Variants in KIAA1549L observed in about 807,000 individuals in gnomAD.
KIAA1549L encodes UPF0606 protein KIAA1549L.
KIAA1549L carries 88 observed loss-of-function variants against 160.7 expected under a neutral mutation model. The observed-to-expected ratio is 0.55, with a 90% CI of 0.46 to 0.65. The LOEUF (loss-of-function observed/expected upper bound fraction) is 0.65, where lower values mean the gene tolerates loss of function less well. Among genes scored for constraint, KIAA1549L ranks in the 30% least tolerant of loss-of-function variants. The pLI is 0.00. For synonymous variants in KIAA1549L, 950 were observed against 976.7 expected, an observed-to-expected ratio of 0.97 and a Z score of 0.51; for missense variants, 2,258 against 2,437.5, an observed-to-expected ratio of 0.93 and a Z score of 1.55.
intron 1 of KIAA1549L, among the ~76,000 whole-genome samples, chr11:33,454,860 C>T (rs1472617767): frequency 1.3e-5 from 2 of 152,076 alleles, no homozygotes; most frequent in East Asian, 1.9e-4. Flanking sequence ...GAGGCCGAGG[C>T]GGGTGGATCA....
At chr11:33,510,692 C>A (rs1313706467) in intron 1 of KIAA1549L, among the ~76,000 whole-genome samples, 1 of 152,258 alleles carries the variant, frequency 6.6e-6, no homozygotes, top group Non-Finnish European at 1.5e-5. Context: ...TGAGATACTT[C>A]TGCAAATCAC....
At chr11:33,663,899 A>AC (rs1165436329) in intron 20 of KIAA1549L, among the ~76,000 whole-genome samples, 1 of 152,094 alleles carries the variant, frequency 6.6e-6, no homozygotes, top group Non-Finnish European at 1.5e-5. Flanking sequence ...TTTAACAGGG[A>AC]CCCCTAGGCA....
At chr11:33,634,056 GT>G (rs1490196197) in intron 16 of KIAA1549L, among the ~76,000 whole-genome samples, 5 of 152,028 alleles carry the variant, frequency 3.3e-5, no homozygotes, top group Non-Finnish European at 5.9e-5. Flanking sequence ...TGTTGTTGTT[GT>G]TTTGAGACAG....
At position 33,628,786 on chromosome 11, in the gene KIAA1549L, C is replaced by T. The variant is rs1286841335; in HGVS notation, c.5409+10124C>T. On this transcript the variant is annotated intron_variant, in intron 16 of 20. Transcript: ENST00000658780. ...AATTGGAGCATTTAGTCCATTTACA[C>T]TTAAAGTTAATATTGTTATGTGTGA... 4.6e-5 allele frequency among the ~76,000 whole-genome samples: 7 copies of T among 151,278 alleles called. 1 individual carries two copies. Among genetic ancestry groups the T allele is most frequent in the Middle Eastern group, 6.8e-3 (2 of 294 alleles).
At chr11:33,415,057 CT>C (rs1436330883) in intron 1 of KIAA1549L, among the ~76,000 whole-genome samples, 1 of 151,622 alleles carries the variant, frequency 6.6e-6, no homozygotes, top group Admixed American at 6.6e-5. Flanking sequence ...ATGACTCTTC[CT>C]TGGTGATTTC....
intron 1 of KIAA1549L, among the ~76,000 whole-genome samples, chr11:33,461,814 A>G (rs1461319764): frequency 6.6e-6 from 1 of 152,218 alleles, no homozygotes; most frequent in Non-Finnish European, 1.5e-5. Flanking sequence ...AGATGTAGAA[A>G]TTGAGGCATC....
At chr11:33,508,111 A>G (rs185621561) in intron 1 of KIAA1549L, among the ~76,000 whole-genome samples, 1 of 152,326 alleles carries the variant, frequency 6.6e-6, no homozygotes, top group Non-Finnish European at 1.5e-5. Flanking sequence ...TTCTCTGCAC[A>G]GGACTTAGCT....
chr11:33,465,180 C>T (rs1466415212), intron 1 of KIAA1549L, among the ~76,000 whole-genome samples: 1 of 151,664 alleles, frequency 6.6e-6, no homozygotes, highest in Non-Finnish European at 1.5e-5. Context: ...CTCAGCCTCC[C>T]AAGTAGCTGG....
At chr11:33,524,408 A>G (rs1853565527) in intron 1 of KIAA1549L, among the ~76,000 whole-genome samples, 1 of 152,054 alleles carries the variant, frequency 6.6e-6, no homozygotes, top group Admixed American at 6.6e-5. Context: ...AAAAGACCCA[A>G]AGAGGTCTTT....
rs112123479 is a variant in KIAA1549L at position 33,439,499 on chromosome 11, T to C, written c.238+62610T>C. Among the ~76,000 whole-genome samples the C allele has an allele frequency of 8.3e-3, 1,253 of 151,858 alleles. 20 individuals carry two copies. The highest frequency in any genetic ancestry group is 0.029 in the African/African-American group (1,193 of 41,390). ...CTCACTGCAAGCTCCGCCTTCCGGG[T>C]TCATGCCATTCTCCTGCCTCAGCCT... On this transcript the variant is annotated intron_variant, in intron 1 of 20. Transcript: ENST00000658780.
At chr11:33,396,606 C>T (rs1850378227) in intron 1 of KIAA1549L, among the ~76,000 whole-genome samples, 1 of 151,838 alleles carries the variant, frequency 6.6e-6, no homozygotes, top group Non-Finnish European at 1.5e-5. Flanking sequence ...CTCAGCTGAA[C>T]TTACTCTTCT....
At position 33,559,898 on chromosome 11, in the gene KIAA1549L, A is replaced by G. The variant is rs776686339; in HGVS notation, c.4005A>G (p.Leu1335=). The change falls in exon 7 of 21, where the codon CTA becomes CTG. Residue 1335 remains leucine, a synonymous_variant. Coordinates refer to ENST00000658780, the MANE Select transcript of KIAA1549L (RefSeq NM_012194.3). ...LVGFYLTYPP[L]TIAEPLEYPN... is the part of the protein sequence containing the mutation. ...GATTCTACCTCACCTATCCGCCGCT[A>G]ACCATTGCTGAACGTGAGTATGGCC... The G allele has an allele frequency of 5.6e-6, 9 of 1,613,884 alleles. No homozygotes were observed. The highest frequency in any genetic ancestry group is 7.6e-6 in the Non-Finnish European group (9 of 1,179,876).
At chr11:33,403,914 G>T (rs1212426162) in intron 1 of KIAA1549L, among the ~76,000 whole-genome samples, 1 of 152,170 alleles carries the variant, frequency 6.6e-6, no homozygotes, top group Non-Finnish European at 1.5e-5. Context: ...GAGACAGGAA[G>T]TTTCTAAGCA....
At chr11:33,566,544 G>C (rs1210919588) in intron 8 of KIAA1549L, among the ~76,000 whole-genome samples, 1 of 152,162 alleles carries the variant, frequency 6.6e-6, no homozygotes, top group East Asian at 1.9e-4. Context: ...GTCTCACAAG[G>C]GCCCTAGAAA....
chr11:33,559,631 A>T, intron 6 of KIAA1549L, 118 bp from the exon 7 acceptor site: 1 of 738,508 alleles, frequency 1.4e-6, no homozygotes, highest in Non-Finnish European at 2.3e-6. Flanking sequence ...TGTTTCCCTG[A>T]CCCCCTTTCA....
intron 1 of KIAA1549L, among the ~76,000 whole-genome samples, chr11:33,417,303 C>T (rs186336297): frequency 1.3e-5 from 2 of 152,218 alleles, no homozygotes; most frequent in East Asian, 1.9e-4. Context: ...ACACAGCATG[C>T]GCATGACACC....
At chr11:33,396,648 T>TC (rs1226820223) in intron 1 of KIAA1549L, among the ~76,000 whole-genome samples, 1 of 151,040 alleles carries the variant, frequency 6.6e-6, no homozygotes, top group Non-Finnish European at 1.5e-5. Flanking sequence ...TTAACTTTCT[T>TC]TTTTTTTCTC....
chr11:33,438,571 A>C (rs894529744), intron 1 of KIAA1549L, among the ~76,000 whole-genome samples: 7 of 152,248 alleles, frequency 4.6e-5, no homozygotes, highest in African/African-American at 1.4e-4. Flanking sequence ...TCCCCGGCCA[A>C]GGAGAGCAAG....
At position 33,542,353 on chromosome 11, in the gene KIAA1549L, G is replaced by A. The variant is rs1854047060; in HGVS notation, c.790G>A (p.Ala264Thr). 8 of 861,778 alleles carry A rather than the reference G, an allele frequency of 9.3e-6. No individual in the cohort carries two copies. In the East Asian group the frequency reaches 2.1e-4, roughly 23 times the overall value. 53.4% of individuals were successfully genotyped at this position (861,778 alleles called of 1,614,324 possible). A position where few individuals can be genotyped will look rare whatever the true frequency, so the allele number is the denominator to read the frequency against. ...ACCTCATTCCATCATCTCTGAGCCAGCAGAGCAATCCCCCAAAGTGCTGTT... is the reference window on the plus strand; with the variant it reads ...ACCTCATTCCATCATCTCTGAGCCAACAGAGCAATCCCCCAAAGTGCTGTT... ...DSPHSIISEP[A>T]EQSPKVLLVP... Residue 264 changes from alanine (A) to threonine (T), a missense_variant, in exon 2 of 21, where the codon GCA becomes ACA. Physicochemically the swap from Ala to Thr is moderately conservative, Grantham distance 58. This residue lies in a region of KIAA1549L where 540 missense variants were observed against 465.7 expected (regional missense o/e 1.16). Coordinates refer to ENST00000658780, the MANE Select transcript of KIAA1549L (RefSeq NM_012194.3).
Sources: allele counts gnomAD v4.1 joint callset (sites outside exome capture counted in the v4.1 genomes callset), GRCh38; gene constraint gnomAD v4.1.1; regional missense constraint gnomAD v4.1.1; transcripts MANE v1.5; gene names NCBI Gene and HGNC (gene_info 2026-07-23, HGNC 2026-07-21).